DLG1: variants seen among roughly 807,000 people sequenced by gnomAD.
DLG1 encodes the protein discs large MAGUK scaffold protein 1.
Under a neutral mutation model 123.4 loss-of-function variants are expected in DLG1, and 42 were observed. The ratio of observed to expected loss-of-function variants is 0.34; its 90% confidence interval spans 0.27 to 0.44. The LOEUF is 0.44. DLG1 is among the 20% of genes least tolerant of loss of function. The pLI is 1.00. For missense variants in DLG1, 942 were observed against 1,082.6 expected, an observed-to-expected ratio of 0.87 and a Z score of 1.82; for synonymous variants, 317 against 356.2, an observed-to-expected ratio of 0.89 and a Z score of 1.24.
chr3:197,162,996 C>T (rs934703022), intron 5 of DLG1, among the ~76,000 whole-genome samples: 16 of 152,228 alleles, frequency 1.1e-4, no homozygotes, highest in African/African-American at 2.6e-4. Flanking sequence ...ACTCTTACAA[C>T]GCAACAACAC....
At chr3:197,287,874 C>T (rs1427549370) in intron 3 of DLG1, among the ~76,000 whole-genome samples, 1 of 152,140 alleles carries the variant, frequency 6.6e-6, no homozygotes, top group African/African-American at 2.4e-5. Flanking sequence ...ATAAATACAA[C>T]ATTCCTAAGA....
At chr3:197,084,775 TAG>T (rs1753272641) in intron 16 of DLG1, among the ~76,000 whole-genome samples, 1 of 151,250 alleles carries the variant, frequency 6.6e-6, no homozygotes, top group Non-Finnish European at 1.5e-5. Flanking sequence ...TTTATATATA[TAG>T]ATAGATATAG....
chr3:197,072,002 T>C (rs1279358578), intron 18 of DLG1, among the ~76,000 whole-genome samples: 1 of 152,224 alleles, frequency 6.6e-6, no homozygotes, highest in Non-Finnish European at 1.5e-5. Flanking sequence ...GCAACACTAT[T>C]TAAAATAGCT....
intron 4 of DLG1, among the ~76,000 whole-genome samples, chr3:197,276,095 A>G (rs917959897): frequency 1.3e-5 from 2 of 152,202 alleles, no homozygotes; most frequent in Admixed American, 6.5e-5. Context: ...CTTTTCACAC[A>G]CAGTCATACT....
At chr3:197,103,030 G>A (rs1166969911) in intron 14 of DLG1, among the ~76,000 whole-genome samples, 1 of 152,122 alleles carries the variant, frequency 6.6e-6, no homozygotes, top group East Asian at 1.9e-4. Flanking sequence ...ATCCAAATAC[G>A]GGTCCTCTGC....
intron 4 of DLG1, among the ~76,000 whole-genome samples, chr3:197,213,331 C>A (rs758359499): frequency 2.0e-5 from 3 of 151,982 alleles, no homozygotes; most frequent in Non-Finnish European, 4.4e-5. Flanking sequence ...CTGTATGAAT[C>A]CATTTATATA....
chr3:197,115,917 C>A lies in DLG1; in HGVS notation c.1443+10G>T. On this transcript the variant is annotated intron_variant, in intron 13 of 24. Coordinates refer to ENST00000667157, the MANE Select transcript of DLG1 (RefSeq NM_001366207.1). ...ATAACAAAAACGTGATCTTGACTAACGTGTCTTACCGATATAATACGATCT... is the reference window on the plus strand; with the variant it reads ...ATAACAAAAACGTGATCTTGACTAAAGTGTCTTACCGATATAATACGATCT... 2 of 1,606,898 alleles carry A rather than the reference C, an allele frequency of 1.2e-6. No individual in the cohort carries two copies. The highest frequency in any genetic ancestry group is 1.7e-6 in the Non-Finnish European group (2 of 1,177,982).
intron 15 of DLG1, among the ~76,000 whole-genome samples, chr3:197,089,872 A>T (rs1756758573): frequency 6.6e-6 from 1 of 152,212 alleles, no homozygotes. Context: ...AATCTGATGC[A>T]TTTAAGATTC....
intron 3 of DLG1, among the ~76,000 whole-genome samples, chr3:197,294,943 A>T (rs550973580): frequency 2.0e-5 from 3 of 152,262 alleles, no homozygotes; most frequent in South Asian, 2.1e-4. Flanking sequence ...TTGCGAAAAA[A>T]CATACTTTTT....
At chr3:197,060,128 T>C (rs758964423) in intron 22 of DLG1, 130 bp from the exon 23 acceptor site, 21 of 552,758 alleles carry the variant, frequency 3.8e-5, no homozygotes, top group Non-Finnish European at 6.1e-5. Flanking sequence ...TTAGTAAACT[T>C]GTCATTTCTC....
At position 197,245,907 on chromosome 3, in the gene DLG1, G is replaced by GC. The variant is rs1554044989; in HGVS notation, c.318+36771_318+36772insG. ...ACAATACTTTTTTTTTTTTGGGGGG[G>GC]GGGGAGGTGGCAAATGAAGGTTATC... On this transcript the variant is annotated intron_variant, in intron 4 of 24. Transcript: ENST00000667157. Among the ~76,000 whole-genome samples, 34 of 141,798 alleles carry GC rather than the reference G, an allele frequency of 2.4e-4. 2 individuals carry two copies. The highest frequency in any genetic ancestry group is 8.6e-4 in the African/African-American group (33 of 38,584). 93.0% of individuals were successfully genotyped at this position (141,798 alleles called of 152,430 possible). A position where few individuals can be genotyped will look rare whatever the true frequency, so the allele number is the denominator to read the frequency against.
At chr3:197,270,710 G>C (rs1355027570) in intron 4 of DLG1, among the ~76,000 whole-genome samples, 1 of 152,074 alleles carries the variant, frequency 6.6e-6, no homozygotes, top group Non-Finnish European at 1.5e-5. Context: ...CTTTCCCGTG[G>C]AAGATCTGGA....
chr3:197,069,379 TTC>T (rs1231055814), intron 18 of DLG1, 119 bp from the exon 19 acceptor site: 3 of 512,632 alleles, frequency 5.9e-6, no homozygotes, highest in Non-Finnish European at 6.4e-6. Flanking sequence ...TAAAAGCATT[TTC>T]TTTTTCTTTG....
intron 4 of DLG1, among the ~76,000 whole-genome samples, chr3:197,251,724 G>A (rs1183701776): frequency 1.3e-5 from 2 of 152,124 alleles, no homozygotes; most frequent in Non-Finnish European, 2.9e-5. Flanking sequence ...ACAAAGTGAA[G>A]AGAAAACTCA....
chr3:197,274,498 G>GACACA (rs1560109855), intron 4 of DLG1, among the ~76,000 whole-genome samples: 1 of 149,930 alleles, frequency 6.7e-6, no homozygotes, highest in Non-Finnish European at 1.5e-5. Context: ...GATACAATAC[G>GACACA]ACACGACACG....
chr3:197,153,452 G>GTACC, intron 5 of DLG1, among the ~76,000 whole-genome samples: 1 of 152,304 alleles, frequency 6.6e-6, no homozygotes, highest in South Asian at 2.1e-4. Flanking sequence ...AGTCAACTGT[G>GTACC]TACCGCCTGC....
intron 4 of DLG1, among the ~76,000 whole-genome samples, chr3:197,274,674 C>T (rs1560110915): frequency 1.3e-5 from 2 of 152,104 alleles, no homozygotes; most frequent in Admixed American, 6.5e-5. Context: ...AAACGACCAA[C>T]AGAGTGATGA....
At chr3:197,253,257 A>C (rs916766388) in intron 4 of DLG1, among the ~76,000 whole-genome samples, 1 of 152,236 alleles carries the variant, frequency 6.6e-6, no homozygotes, top group South Asian at 2.1e-4. Context: ...GAATATGGGC[A>C]AAAGACCATG....
At chr3:197,283,937 C>T (rs759837649) in intron 3 of DLG1, among the ~76,000 whole-genome samples, 3 of 148,974 alleles carry the variant, frequency 2.0e-5, no homozygotes, top group Non-Finnish European at 3.0e-5. Flanking sequence ...TCTTGGCTCA[C>T]GGCAACCTCC....
Sources: gnomAD v4.1 joint callset for allele counts (sites outside exome capture counted in the v4.1 genomes callset) on GRCh38, gnomAD v4.1.1 for gene constraint, MANE v1.5 for transcripts, NCBI Gene and HGNC (gene_info 2026-07-23, HGNC 2026-07-21) for gene names.